Variants in SIN3B observed in about 807,000 individuals in gnomAD.
SIN3B encodes the protein SIN3 transcription regulator family member B.
In SIN3B, 19 loss-of-function variants were observed where a neutral mutation model predicts 120.2. The observed-to-expected ratio is 0.16, with a 90% confidence interval of 0.11 to 0.23. The LOEUF is 0.23. Ranked by LOEUF, SIN3B falls within the 10% of genes least tolerant of loss-of-function variation. SIN3B has a pLI of 1.00. For missense variants in SIN3B, 1,073 were observed against 1,573.0 expected, an observed-to-expected ratio of 0.68 and a Z score of 5.38; for synonymous variants, 654 against 653.2, an observed-to-expected ratio of 1.00 and a Z score of -0.02.
intron 5 of SIN3B, among the ~76,000 whole-genome samples, chr19:16,847,702 C>T (rs186897880): frequency 6.6e-6 from 1 of 152,188 alleles, no homozygotes; most frequent in Non-Finnish European, 1.5e-5. Flanking sequence ...CCGCCTGTTC[C>T]GATTCCTCTT....
intron 6 of SIN3B, 96 bp downstream of exon 6, chr19:16,851,630 G>T: frequency 4.1e-6 from 6 of 1,452,642 alleles, no homozygotes; most frequent in African/African-American, 2.9e-5. Context: ...CCCCAGCAGG[G>T]GTTCGGGGCT....
intron 1 of SIN3B, 90 bp downstream of exon 1, chr19:16,829,630 C>A (rs1267072874): frequency 2.5e-6 from 3 of 1,191,346 alleles, no homozygotes; most frequent in East Asian, 6.3e-5. Flanking sequence ...CGGCCCCAGC[C>A]CCACCTCGGC....
At chr19:16,875,339 TTGGTC>T (rs1220505837) in intron 14 of SIN3B, among the ~76,000 whole-genome samples, 9 of 140,918 alleles carry the variant, frequency 6.4e-5, no homozygotes, top group South Asian at 2.4e-4. Context: ...CTGGTCTGGT[TTGGTC>T]TGGTCTGGTC....
intron 3 of SIN3B, among the ~76,000 whole-genome samples, chr19:16,834,822 C>G: frequency 6.6e-6 from 1 of 152,222 alleles, no homozygotes; most frequent in East Asian, 1.9e-4. Context: ...TTTGAGCTTT[C>G]GGCTCCCTGG....
At chr19:16,860,477 G>C (rs1599604478) in intron 8 of SIN3B, among the ~76,000 whole-genome samples, 1 of 152,214 alleles carries the variant, frequency 6.6e-6, no homozygotes, top group East Asian at 1.9e-4. Flanking sequence ...TTGGCATAGG[G>C]TTCTTAAATA....
At chr19:16,870,148 T>A in intron 13 of SIN3B, 73 bp downstream of exon 13, 2 of 1,354,088 alleles carry the variant, frequency 1.5e-6, no homozygotes, top group Non-Finnish European at 2.0e-6. Flanking sequence ...TGATCTGACA[T>A]GTCCTGTTAC....
chr19:16,875,771 T>TGTTTGGTCTGGTCTGGTCTG (rs2051593252), intron 14 of SIN3B, among the ~76,000 whole-genome samples: 1 of 146,100 alleles, frequency 6.8e-6, no homozygotes, highest in Non-Finnish European at 1.5e-5. Context: ...TGGTCTGGTC[T>TGTTTGGTCTGGTCTGGTCTG]GTTTGGTCTG....
intron 10 of SIN3B, chr19:16,865,128 G>T (rs1469348139): frequency 9.5e-6 from 3 of 314,742 alleles, no homozygotes; most frequent in African/African-American, 6.4e-5. Context: ...ACCGTGCCCG[G>T]CCATAAATTT....
chr19:16,878,845 C>G lies in SIN3B; in HGVS notation c.*118C>G. 2 of 922,206 alleles carry G rather than the reference C, an allele frequency of 2.2e-6. No homozygotes were observed. The highest frequency in any genetic ancestry group is 3.2e-6 in the Non-Finnish European group (2 of 617,820). 57.1% of individuals were successfully genotyped at this position (922,206 alleles called of 1,614,324 possible). A position where few individuals can be genotyped will look rare whatever the true frequency, so the allele number is the denominator to read the frequency against. ...GAGGCATCTCCCAGCCCCTCTGCTGCCGGACAGCGCACTCCAGGGCAGGAC... is the reference window on the plus strand; with the variant it reads ...GAGGCATCTCCCAGCCCCTCTGCTGGCGGACAGCGCACTCCAGGGCAGGAC... On this transcript the variant is annotated 3_prime_UTR_variant, in exon 19 of 19. Transcript: ENST00000248054.
intron 10 of SIN3B, chr19:16,865,184 C>T (rs1407391100): frequency 9.4e-6 from 5 of 530,810 alleles, no homozygotes; most frequent in Non-Finnish European, 1.7e-5. Flanking sequence ...TTCCTAGCTA[C>T]GTGGGAGGCT....
intron 16 of SIN3B, 83 bp from the exon 17 acceptor site, chr19:16,877,462 G>A: frequency 9.9e-7 from 1 of 1,007,070 alleles, no homozygotes; most frequent in Admixed American, 2.1e-5. Flanking sequence ...ACCCCTGTGA[G>A]CTCCTGAACT....
At chr19:16,870,352 C>T (rs954860715) in intron 13 of SIN3B, among the ~76,000 whole-genome samples, 2 of 151,900 alleles carry the variant, frequency 1.3e-5, no homozygotes, top group Non-Finnish European at 2.9e-5. Context: ...CTCGTGGAGC[C>T]GTCATGGCCC....
At chr19:16,847,710 C>T (rs1971496801) in intron 5 of SIN3B, among the ~76,000 whole-genome samples, 1 of 152,214 alleles carries the variant, frequency 6.6e-6, no homozygotes, top group Admixed American at 6.5e-5. Context: ...TCCGATTCCT[C>T]TTTTTTCCCC....
intron 3 of SIN3B, among the ~76,000 whole-genome samples, chr19:16,839,700 C>T (rs892336904): frequency 1.3e-4 from 20 of 152,204 alleles, no homozygotes; most frequent in Non-Finnish European, 2.5e-4. Context: ...AGAATCATTC[C>T]GGACATCCCC....
intron 5 of SIN3B, among the ~76,000 whole-genome samples, chr19:16,849,954 C>T (rs1171653896): frequency 7.1e-6 from 1 of 140,962 alleles, no homozygotes; most frequent in Non-Finnish European, 1.5e-5. Context: ...AGACCTCCGT[C>T]TCAAAAAAAA....
intron 14 of SIN3B, among the ~76,000 whole-genome samples, chr19:16,873,093 C>T (rs999957480): frequency 1.3e-5 from 2 of 151,860 alleles, no homozygotes; most frequent in African/African-American, 2.4e-5. Flanking sequence ...CCCTGGGGCT[C>T]AGGGGCGTCT....
chr19:16,848,915 A>G (rs1045765520), intron 5 of SIN3B, among the ~76,000 whole-genome samples: 1 of 152,236 alleles, frequency 6.6e-6, no homozygotes, highest in Admixed American at 6.5e-5. Flanking sequence ...TAGGATTACA[A>G]GCATATGCCA....
rs1011204829 is a variant in SIN3B, at chr19:16,878,871, G to A, written c.*144G>A. 9 of 768,596 alleles carry A rather than the reference G, an allele frequency of 1.2e-5. No individual in the cohort carries two copies. Among genetic ancestry groups the A allele is most frequent in the Admixed American group, 5.8e-5 (2 of 34,750 alleles). 47.6% of individuals were successfully genotyped at this position (768,596 alleles called of 1,614,324 possible). A position where few individuals can be genotyped will look rare whatever the true frequency, so the allele number is the denominator to read the frequency against. ...CGGACAGCGCACTCCAGGGCAGGAC[G>A]CCGCCCCCGTGGCTCCCGGTCTCCT... On this transcript the variant is annotated 3_prime_UTR_variant, in exon 19 of 19. Coordinates refer to ENST00000248054, the MANE Select transcript of SIN3B (RefSeq NM_001297595.2).
chr19:16,836,044 G>A (rs1367592331), intron 3 of SIN3B, among the ~76,000 whole-genome samples: 1 of 152,210 alleles, frequency 6.6e-6, no homozygotes, highest in Non-Finnish European at 1.5e-5. Flanking sequence ...AGTAGGGAGT[G>A]GCCCATAGGT....
Sources: allele counts gnomAD v4.1 joint callset (sites outside exome capture counted in the v4.1 genomes callset), GRCh38; gene constraint gnomAD v4.1.1; transcripts MANE v1.5; gene names NCBI Gene and HGNC (gene_info 2026-07-23, HGNC 2026-07-21).